HHATL: variants seen among roughly 807,000 people sequenced by gnomAD.
HHATL encodes the protein protein-cysteine N-palmitoyltransferase HHAT-like protein.
HHATL carries 49 observed loss-of-function variants against 59.7 expected under a neutral mutation model. That is an observed-to-expected ratio of 0.82 (90% CI 0.65 to 1.04). The LOEUF is 1.04. Ranked by LOEUF, HHATL falls within the 50% of genes least tolerant of loss-of-function variation. The pLI, the probability that HHATL is intolerant of heterozygous loss-of-function variation, is 0.00. For synonymous variants in HHATL, 238 were observed against 257.3 expected, an observed-to-expected ratio of 0.93 and a Z score of 0.72; for missense variants, 605 against 650.8, an observed-to-expected ratio of 0.93 and a Z score of 0.77.
chr3:42,701,491 ACTCT>A lies in HHATL; in HGVS notation c.-13-656_-13-653del, dbSNP rs1697985108. On this transcript the variant is annotated intron_variant, in intron 1 of 11. Transcript: ENST00000441594. The surrounding 1 kb of genome is among the most constrained non-coding windows in gnomAD (Gnocchi z 5.1). The stretch of plus-strand genomic sequence containing the variant: ...CCTGTGTCCGTGACCACACTGCCCC[ACTCT>A]CTCAGCGCTCTGTGTATTCAGGCCC... The A allele has an allele frequency of 6.6e-6, 1 of 152,234 alleles. No individual in the cohort carries two copies. Among genetic ancestry groups the A allele is most frequent in the Non-Finnish European group, 1.5e-5 (1 of 68,216 alleles). 9.4% of individuals were successfully genotyped at this position (152,234 alleles called of 1,614,324 possible). A position where few individuals can be genotyped will look rare whatever the true frequency, so the allele number is the denominator to read the frequency against.
chr3:42,693,558 C>T, intron 10 of HHATL, 59 bp downstream of exon 10: 1 of 1,427,856 alleles, frequency 7.0e-7, no homozygotes. Context: ...CAGAAAGCAG[C>T]AGTGCCCCCC....
At position 42,696,882 on chromosome 3, in the gene HHATL, A is replaced by C; in HGVS notation, c.1011-5T>G. The C allele has an allele frequency of 6.2e-7, 1 of 1,614,172 alleles. No individual in the cohort carries two copies. Among genetic ancestry groups the C allele is most frequent in the Non-Finnish European group, 8.5e-7 (1 of 1,180,016 alleles). ...TTGATGCCACGGTCAAAGTGCCTGT[A>C]AGAGGAAAGCAGATGGGCATGTTGC... On this transcript the variant is annotated splice_polypyrimidine_tract_variant and splice_region_variant and intron_variant, in intron 8 of 11. Coordinates refer to ENST00000441594, the MANE Select transcript of HHATL (RefSeq NM_020707.4).
chr3:42,694,126 G>T, intron 9 of HHATL: 1 of 396,912 alleles, frequency 2.5e-6, no homozygotes, highest in Non-Finnish European at 4.6e-6. Context: ...CTCCTGATTT[G>T]TATATGCAAT....
At chr3:42,696,295 G>A (rs1157944444) in intron 9 of HHATL, among the ~76,000 whole-genome samples, 3 of 151,834 alleles carry the variant, frequency 2.0e-5, no homozygotes, top group Non-Finnish European at 4.4e-5. Context: ...GCTGAATCTC[G>A]GCCATCCCCG....
At chr3:42,694,134 A>T (rs1697491474) in intron 9 of HHATL, 1 of 372,068 alleles carries the variant, frequency 2.7e-6, no homozygotes, top group Non-Finnish European at 5.0e-6. Flanking sequence ...TTGTATATGC[A>T]ATTGCTACTA....
chr3:42,694,146 C>T (rs1488348643), intron 9 of HHATL: 2 of 329,972 alleles, frequency 6.1e-6, no homozygotes, highest in Non-Finnish European at 1.1e-5. Flanking sequence ...TTGCTACTAG[C>T]CATGTCACTT....
intron 9 of HHATL, among the ~76,000 whole-genome samples, chr3:42,694,369 T>C (rs1697507168): frequency 6.6e-6 from 1 of 152,172 alleles, no homozygotes; most frequent in Admixed American, 6.5e-5. Context: ...ACCACCCTAG[T>C]CAAGATGATC....
Position 42,698,321 on chromosome 3 carries a change from G to A in HHATL, c.514C>T (p.Gln172Ter). 6.2e-7 allele frequency: 1 copy of A among 1,613,340 alleles called. No individual in the cohort carries two copies. Among genetic ancestry groups the A allele is most frequent in the South Asian group, 1.1e-5 (1 of 91,056 alleles). The change falls in exon 6 of 12, where the codon CAA becomes TAA. Residue 172 changes from glutamine to a stop codon, truncating the protein, a stop_gained. Coordinates refer to ENST00000441594, the MANE Select transcript of HHATL (RefSeq NM_020707.4). LOFTEE classifies it high-confidence loss of function. The stretch of plus-strand genomic sequence containing the variant: ...CTGCCCCCATGAAACAGCACCTCTT[G>A]AAGATCAAAAGTGCCTGTTACAAAC... The part of the protein sequence containing the change: ...SGFVTGTFDL[Q>*]EVLFHGGSSF...
chr3:42,702,241 G>A (rs977824267), intron 1 of HHATL, among the ~76,000 whole-genome samples: 1 of 152,218 alleles, frequency 6.6e-6, no homozygotes, highest in Middle Eastern at 3.2e-3. Flanking sequence ...AATGGAGCAG[G>A]AGCTTGAAAC....
At chr3:42,698,683 C>A (rs909997066) in intron 5 of HHATL, 25 bp downstream of exon 5, 7 of 1,531,594 alleles carry the variant, frequency 4.6e-6, no homozygotes, top group African/African-American at 4.2e-5. Context: ...ATCCCTACAC[C>A]CTCTACCCCT....
chr3:42,698,177 C>CGAA lies in HHATL; in HGVS notation c.655_657dup (p.Phe219dup), dbSNP rs757737734. The CGAA allele has an allele frequency of 2.5e-6, 4 of 1,613,960 alleles. No homozygotes were observed. The highest frequency in any genetic ancestry group is 3.3e-5 in the Admixed American group (2 of 59,998). ...AAGCGATCAAAGGTCATGATGGGCCCGAAGAAGAAGAAGGGCAGGTAGAAG... is the reference window on the plus strand; with the variant it reads ...AAGCGATCAAAGGTCATGATGGGCCCGAAGAAGAAGAAGAAGGGCAGGTAGAAG... On this transcript the variant is annotated inframe_insertion, in exon 6 of 12. Transcript: ENST00000441594.
In HHATL at chr3:42,693,107, C is replaced by G; in HGVS notation, c.1360G>C (p.Glu454Gln). The G allele has an allele frequency of 3.7e-6, 6 of 1,614,170 alleles. No homozygotes were observed. The highest frequency in any genetic ancestry group is 5.1e-6 in the Non-Finnish European group (6 of 1,180,018). ...AGTAGCAGGCGCCGGGCAACCAGCTCTGTGAATTTGAGGCTGTTCAGGCTC... is the reference window on the plus strand; with the variant it reads ...AGTAGCAGGCGCCGGGCAACCAGCTGTGTGAATTTGAGGCTGTTCAGGCTC... ...LVSLNSLKFTELVARRLLLTG... is the reference protein window; with the variant it reads ...LVSLNSLKFTQLVARRLLLTG... The change falls in exon 11 of 12, where the codon GAG becomes CAG. Residue 454 changes from glutamate to glutamine, a missense_variant. Physicochemically the swap from Glu to Gln is conservative, Grantham distance 29. Coordinates refer to ENST00000441594, the MANE Select transcript of HHATL (RefSeq NM_020707.4).
In HHATL at chr3:42,693,059, C is replaced by T. The variant is rs373396126; in HGVS notation, c.1390+18G>A. 6.2e-7 allele frequency: 1 copy of T among 1,613,952 alleles called. No homozygotes were observed. The highest frequency in any genetic ancestry group is 1.3e-5 in the African/African-American group (1 of 75,038). On this transcript the variant is annotated intron_variant, in intron 11 of 11. Coordinates refer to ENST00000441594, the MANE Select transcript of HHATL (RefSeq NM_020707.4). ...TGATGCCTGGCACCTTCTGTATCCCCACACCCCTGTCCCTCACCTGTGAGT... is the reference window on the plus strand; with the variant it reads ...TGATGCCTGGCACCTTCTGTATCCCTACACCCCTGTCCCTCACCTGTGAGT...
chr3:42,698,235 G>A lies in HHATL; in HGVS notation c.600C>T (p.Arg200=). 6.2e-7 allele frequency: 1 copy of A among 1,614,196 alleles called. No homozygotes were observed. Among genetic ancestry groups the A allele is most frequent in the Middle Eastern group, 1.6e-4 (1 of 6,062 alleles). ...TGAGCAGGTCAGCTAAGGAGTAGTG[G>A]CGGTCAGGGTGGGCACAGCTCTCCA... ...FALESCAHPD[R]HYSLADLLKY... The change falls in exon 6 of 12, where the codon CGC becomes CGT. Residue 200 remains arginine (R), a synonymous_variant. Coordinates refer to ENST00000441594, the MANE Select transcript of HHATL (RefSeq NM_020707.4).
In HHATL at chr3:42,696,826, C is replaced by A; in HGVS notation, c.1046+16G>T. 5 of 1,613,644 alleles carry A rather than the reference C, an allele frequency of 3.1e-6. No individual in the cohort carries two copies. Among genetic ancestry groups the A allele is most frequent in the Middle Eastern group, 3.3e-4 (2 of 6,062 alleles). ...GGCAGGATGGCTGTGACCACCCCCA[C>A]CCCACTCCTACTCACTTGCAAAGCC... On this transcript the variant is annotated intron_variant, in intron 9 of 11. Coordinates refer to ENST00000441594, the MANE Select transcript of HHATL (RefSeq NM_020707.4).
intron 6 of HHATL, 65 bp from the exon 7 acceptor site, chr3:42,697,744 G>C: frequency 6.5e-7 from 1 of 1,531,574 alleles, no homozygotes; most frequent in Non-Finnish European, 8.9e-7. Context: ...GTCTGAGGGG[G>C]GCTCACCAAC....
rs758176064 is a variant in HHATL, at chr3:42,698,295, G to T, written c.540C>A (p.Ser180Arg). The change falls in exon 6 of 12, where the codon AGC (serine) becomes AGA (arginine). Residue 180 changes from serine (S) to arginine (R), a missense_variant. Physicochemically the swap from Ser to Arg is moderately radical, Grantham distance 110. Transcript: ENST00000441594. ...DLQEVLFHGG[S>R]SFTVLRCTSF... is the part of the protein sequence containing the mutation. ...TGGTGCAACGCAGCACTGTGAAGCT[G>T]CTGCCCCCATGAAACAGCACCTCTT... The T allele has an allele frequency of 1.5e-5, 24 of 1,614,020 alleles. No homozygotes were observed. The South Asian group carries it at 2.4e-4, about 16-fold the overall frequency.
rs369606015 is a variant in HHATL at position 42,699,820 on chromosome 3, C to A, written c.112G>T (p.Ala38Ser). Reference sequence around the variant, plus strand: ...GACTCCCGGAAGGCCTTCCTGTGGGCCCCATCTGAGAACAGAGTGTGGCCT... The same window carrying A: ...GACTCCCGGAAGGCCTTCCTGTGGGACCCATCTGAGAACAGAGTGTGGCCT... ...RGLLEASQDGAHRKAFRESVR... is the reference protein window; with the variant it reads ...RGLLEASQDGSHRKAFRESVR... The change falls in exon 3 of 12, where the codon GCC becomes TCC. Residue 38 changes from alanine to serine, a missense_variant. Coordinates refer to ENST00000441594, the MANE Select transcript of HHATL (RefSeq NM_020707.4). 1.0e-5 allele frequency: 16 copies of A among 1,561,962 alleles called. No individual in the cohort carries two copies. In the African/African-American group the frequency reaches 1.6e-4, roughly 16 times the overall value.
chr3:42,699,918 G>T, intron 2 of HHATL, 93 bp from the exon 3 acceptor site: 1 of 1,016,476 alleles, frequency 9.8e-7, no homozygotes, highest in Non-Finnish European at 1.5e-6. Context: ...TGGGGAGCGA[G>T]GGCATCAGGA....
Sources: allele counts gnomAD v4.1 joint callset (sites outside exome capture counted in the v4.1 genomes callset), GRCh38; gene constraint gnomAD v4.1.1; non-coding constraint Gnocchi (gnomAD v3.1); transcripts MANE v1.5; gene names NCBI Gene and HGNC (gene_info 2026-07-23, HGNC 2026-07-21).